Variants in PTPRU observed in about 807,000 individuals in gnomAD.
PTPRU encodes the protein receptor-type tyrosine-protein phosphatase U.
In PTPRU, 69 loss-of-function variants were observed where a neutral mutation model predicts 166.3. That is an observed-to-expected ratio of 0.41 (90% CI 0.34 to 0.51). The LOEUF (loss-of-function observed/expected upper bound fraction) is 0.51, where lower values mean the gene tolerates loss of function less well. Ranked by LOEUF, PTPRU falls within the 20% of genes least tolerant of loss-of-function variation. The probability of loss-of-function intolerance (pLI) is 0.09; values close to 1 mark genes in which losing one functional copy is unlikely to be tolerated. For synonymous variants in PTPRU, 793 were observed against 814.0 expected, an observed-to-expected ratio of 0.97 and a Z score of 0.44; for missense variants, 1,657 against 2,013.7, an observed-to-expected ratio of 0.82 and a Z score of 3.39.
intron 15 of PTPRU, among the ~76,000 whole-genome samples, chr1:29,300,832 A>C (rs971712423): frequency 2.0e-5 from 3 of 152,138 alleles, no homozygotes; most frequent in Admixed American, 6.5e-5. Context: ...CCCTGGTTGG[A>C]GTTTGAGGAA....
intron 11 of PTPRU, among the ~76,000 whole-genome samples, chr1:29,281,801 T>A (rs1302088298): frequency 6.6e-6 from 1 of 152,174 alleles, no homozygotes; most frequent in Non-Finnish European, 1.5e-5. Context: ...GGAAAAGGCA[T>A]TTCTGCTTCC....
chr1:29,240,951 C>T (rs1209479369), intron 1 of PTPRU, among the ~76,000 whole-genome samples: 3 of 152,048 alleles, frequency 2.0e-5, no homozygotes, highest in Non-Finnish European at 4.4e-5. Context: ...AACTGCATCC[C>T]GTGGTGGCCC....
intron 7 of PTPRU, among the ~76,000 whole-genome samples, chr1:29,274,027 T>C (rs1054154174): frequency 6.6e-6 from 1 of 152,140 alleles, no homozygotes; most frequent in African/African-American, 2.4e-5. Context: ...TTAAATGAGA[T>C]AAAGCATTTT....
intron 7 of PTPRU, among the ~76,000 whole-genome samples, chr1:29,266,755 A>G (rs1685324352): frequency 6.6e-6 from 1 of 152,328 alleles, no homozygotes; most frequent in Admixed American, 6.5e-5. Flanking sequence ...TATAACCAGG[A>G]CAGACAAAGG....
At chr1:29,289,890 C>T (rs993881563) in intron 14 of PTPRU, among the ~76,000 whole-genome samples, 4 of 152,180 alleles carry the variant, frequency 2.6e-5, no homozygotes, top group African/African-American at 7.2e-5. Context: ...TTCCCCTCTG[C>T]ATCTTCCTCC....
chr1:29,303,394 T>C (rs1687229595), intron 15 of PTPRU, among the ~76,000 whole-genome samples: 1 of 152,222 alleles, frequency 6.6e-6, no homozygotes. Flanking sequence ...CTGGTGTTAA[T>C]CTGCAGAGGG....
chr1:29,321,196 A>ATTTTTTTTTTTTTTTTTTTTTTT (rs71025210), intron 26 of PTPRU, among the ~76,000 whole-genome samples: 1 of 100,384 alleles, frequency 1.0e-5, no homozygotes, highest in Non-Finnish European at 2.0e-5. Context: ...CAGCTGTCTG[A>ATTTTTTTTTTTTTTTTTTTTTTT]TTTTTTTTTT....
At position 29,275,632 on chromosome 1, in the gene PTPRU, A is replaced by C; in HGVS notation, c.1329A>C (p.Gln443His). 5 of 1,614,148 alleles carry C rather than the reference A, an allele frequency of 3.1e-6. No individual in the cohort carries two copies. Among genetic ancestry groups the C allele is most frequent in the Non-Finnish European group, 4.2e-6 (5 of 1,180,016 alleles). The change falls in exon 8 of 30, where the codon CAA becomes CAC. Residue 443 changes from glutamine to histidine, a missense_variant. Physicochemically the swap from Gln to His is conservative, Grantham distance 24. Transcript: ENST00000373779. ...QTIRECVKTE[Q>H]GVSRYTIKNL... ...TCCGAGAGTGTGTGAAGACAGAGCA[A>C]GGTGTCAGCCGCTACACCATCAAGA...
At position 29,291,328 on chromosome 1, in the gene PTPRU, G is replaced by T. The variant is rs1395433256; in HGVS notation, c.2319-541G>T. The stretch of plus-strand genomic sequence containing the variant: ...CATTCTGTGCGTGGGGGAAGCCCCC[G>T]AGCTCTGGCTGAGCACAAGCTAGAC... On this transcript the variant is annotated intron_variant, in intron 14 of 29. Coordinates refer to ENST00000373779, the MANE Select transcript of PTPRU (RefSeq NM_133178.4). This position sits in a 1 kb window ranked among gnomAD's most constrained non-coding sequence, Gnocchi z 4.1. Among the ~76,000 whole-genome samples, 5 of 152,278 alleles carry T rather than the reference G, an allele frequency of 3.3e-5. No individual in the cohort carries two copies. The highest frequency in any genetic ancestry group is 4.1e-4 in the South Asian group (2 of 4,822).
intron 14 of PTPRU, among the ~76,000 whole-genome samples, chr1:29,288,951 G>A (rs1033511017): frequency 6.6e-6 from 1 of 152,192 alleles, no homozygotes; most frequent in South Asian, 2.1e-4. Context: ...TGCTCCCAGA[G>A]GGGATGACCT....
Position 29,286,626 on chromosome 1 carries a change from CT to C in PTPRU, c.2318+1758del, listed in dbSNP as rs141711334. On this transcript the variant is annotated intron_variant, in intron 14 of 29. Coordinates refer to ENST00000373779, the MANE Select transcript of PTPRU (RefSeq NM_133178.4). ...TAAGTAGGGCTGGGGCTGGAGAGGG[CT>C]ATAGTGGAGGGGGCAGATTTCAGTT... Among the ~76,000 whole-genome samples, 1,178 of 152,018 alleles carry C rather than the reference CT, an allele frequency of 7.7e-3. 6 individuals are homozygous for C. Among genetic ancestry groups the C allele is most frequent in the Middle Eastern group, 0.014 (4 of 294 alleles).
At chr1:29,248,402 T>C (rs180937086) in intron 1 of PTPRU, among the ~76,000 whole-genome samples, 1 of 152,128 alleles carries the variant, frequency 6.6e-6, no homozygotes, top group Non-Finnish European at 1.5e-5. Flanking sequence ...CAACCTTGGA[T>C]GATGAAATAG....
rs1686044440 is a variant in PTPRU at position 29,280,773 on chromosome 1, G to A, written c.1868+632G>A. Reference sequence around the variant, plus strand: ...AGAGGCGTATATGGGAGACATAAGTGTGCATGTGTGTGAGAGTGTGAGGGT... The same window carrying A: ...AGAGGCGTATATGGGAGACATAAGTATGCATGTGTGTGAGAGTGTGAGGGT... On this transcript the variant is annotated intron_variant, in intron 11 of 29. Coordinates refer to ENST00000373779, the MANE Select transcript of PTPRU (RefSeq NM_133178.4). This position sits in a 1 kb window ranked among gnomAD's most constrained non-coding sequence, Gnocchi z 4.2. Among the ~76,000 whole-genome samples the A allele has an allele frequency of 6.6e-6, 1 of 152,114 alleles. No individual in the cohort carries two copies. Among genetic ancestry groups the A allele is most frequent in the South Asian group, 2.1e-4 (1 of 4,828 alleles).
At chr1:29,275,047 CAAA>C (rs1423464895) in intron 7 of PTPRU, among the ~76,000 whole-genome samples, 15 of 64,478 alleles carry the variant, frequency 2.3e-4, no homozygotes, top group Admixed American at 5.3e-4. Context: ...GAGCCTCTGT[CAAA>C]AAAAAAAAAA....
chr1:29,246,934 G>T (rs1432499660), intron 1 of PTPRU, among the ~76,000 whole-genome samples: 1 of 152,102 alleles, frequency 6.6e-6, no homozygotes, highest in Non-Finnish European at 1.5e-5. Flanking sequence ...CATCTTAATT[G>T]TACTCCATTT....
intron 1 of PTPRU, 80 bp from the exon 2 acceptor site, chr1:29,255,195 G>C: frequency 6.6e-7 from 1 of 1,503,954 alleles, no homozygotes; most frequent in Non-Finnish European, 9.0e-7. Context: ...GGGTAGAAGG[G>C]AGAGTGGGGC....
chr1:29,285,400 T>G (rs1686295059), intron 14 of PTPRU, among the ~76,000 whole-genome samples: 1 of 152,200 alleles, frequency 6.6e-6, no homozygotes, highest in Non-Finnish European at 1.5e-5. Flanking sequence ...GGAGCCCTCC[T>G]GGGCCTGTGA....
At position 29,260,073 on chromosome 1, in the gene PTPRU, G is replaced by C; in HGVS notation, c.850+29G>C. On this transcript the variant is annotated intron_variant, in intron 6 of 29. Transcript: ENST00000373779. The surrounding 1 kb of genome is among the most constrained non-coding windows in gnomAD (Gnocchi z 8.3). ...AGCTGGTGGACGCCGGGGAGCGCCG[G>C]GACCTCACCCTCGAGGGGCGGGGCC... is the stretch of plus-strand genomic sequence containing the variant. The C allele has an allele frequency of 5.0e-6, 7 of 1,386,600 alleles. No homozygotes were observed. Among genetic ancestry groups the C allele is most frequent in the Non-Finnish European group, 6.5e-6 (7 of 1,075,048 alleles). 85.9% of individuals were successfully genotyped at this position (1,386,600 alleles called of 1,614,324 possible). A position where few individuals can be genotyped will look rare whatever the true frequency, so the allele number is the denominator to read the frequency against.
rs1253813299 is a variant in PTPRU at position 29,323,751 on chromosome 1, G to C, written c.4075G>C (p.Ala1359Pro). 1.9e-6 allele frequency: 3 copies of C among 1,614,080 alleles called. No individual in the cohort carries two copies. The highest frequency in any genetic ancestry group is 1.7e-5 in the Admixed American group (1 of 60,016). ...HLLAEVDKWQ[A>P]ESGDGRTIVH... is the part of the protein sequence containing the mutation. ...GCTGGCTGAGGTGGACAAGTGGCAG[G>C]CCGAGAGTGGGGATGGGCGCACCAT... Residue 1359 changes from alanine (A) to proline (P), a missense_variant, in exon 28 of 30, where the codon GCC becomes CCC. By Grantham distance (27) the Ala-to-Pro change is conservative. This residue lies in a region of PTPRU where 1,190 missense variants were observed against 1,477.4 expected (regional missense o/e 0.81). Transcript: ENST00000373779.
Sources: allele counts gnomAD v4.1 joint callset (sites outside exome capture counted in the v4.1 genomes callset), GRCh38; gene constraint gnomAD v4.1.1; regional missense constraint gnomAD v4.1.1; non-coding constraint Gnocchi (gnomAD v3.1); transcripts MANE v1.5; gene names NCBI Gene and HGNC (gene_info 2026-07-23, HGNC 2026-07-21).